The following CSMD1 variants were observed in gnomAD, a reference collection of about 807,000 sequenced individuals.
The protein encoded by CSMD1 is CUB and sushi domain-containing protein 1.
Under a neutral mutation model 417.5 loss-of-function variants are expected in CSMD1, and 213 were observed. That is an observed-to-expected ratio of 0.51 (90% CI 0.46 to 0.57). CSMD1 has a LOEUF of 0.57. Among genes scored for constraint, CSMD1 ranks in the 20% least tolerant of loss-of-function variants. CSMD1 has a pLI of 0.00. For synonymous variants in CSMD1, 2,862 were observed against 1,736.8 expected (o/e 1.65, Z -16.11); for missense variants, 6,923 against 4,529.7 (o/e 1.53, Z -15.17).
intron 1 of CSMD1, among the ~76,000 whole-genome samples, chr8:4,886,926 C>A (rs1318427330): frequency 1.3e-5 from 2 of 151,950 alleles, no homozygotes; most frequent in Non-Finnish European, 2.9e-5. Context: ...TGTTACATAA[C>A]CAACTTTTGA....
chr8:3,996,444 ATTT>A lies in CSMD1; in HGVS notation c.818+1456_818+1458del, dbSNP rs34769872. On this transcript the variant is annotated intron_variant, in intron 5 of 69. Coordinates refer to ENST00000635120, the MANE Select transcript of CSMD1 (RefSeq NM_033225.6). ...GATGCTTAATAAATTCATTTTTAAG[ATTT>A]TTTTTTTAGCACAGCCTCTCTTTTT... 4.5e-3 allele frequency among the ~76,000 whole-genome samples: 683 copies of A among 150,772 alleles called. 6 individuals carry two copies. Among genetic ancestry groups the A allele is most frequent in the African/African-American group, 0.016 (647 of 41,208 alleles).
At chr8:3,282,355 G>A (rs980207963) in intron 26 of CSMD1, among the ~76,000 whole-genome samples, 6 of 151,862 alleles carry the variant, frequency 4.0e-5, no homozygotes, top group African/African-American at 4.8e-5. Flanking sequence ...TACTGCCAGT[G>A]CAAAACTACT....
chr8:4,472,631 A>G lies in CSMD1; in HGVS notation c.303-52566T>C, dbSNP rs957330412. Among the ~76,000 whole-genome samples the G allele has an allele frequency of 5.9e-5, 9 of 152,234 alleles. No individual in the cohort carries two copies. In the East Asian group the frequency reaches 1.7e-3, roughly 29 times the overall value. ...AACAAGATATTCTGCAAACAATAAG[A>G]AAAATAATTTTAAACAAATAATTTA... On this transcript the variant is annotated intron_variant, in intron 2 of 69. Transcript: ENST00000635120.
chr8:4,413,991 G>A (rs1286333425), intron 3 of CSMD1, among the ~76,000 whole-genome samples: 1 of 152,096 alleles, frequency 6.6e-6, no homozygotes, highest in Non-Finnish European at 1.5e-5. Context: ...TTACACTATG[G>A]GCTAATGGAG....
chr8:4,582,773 T>C (rs951287350), intron 2 of CSMD1, among the ~76,000 whole-genome samples: 2 of 152,194 alleles, frequency 1.3e-5, no homozygotes, highest in Non-Finnish European at 2.9e-5. Flanking sequence ...GGGAGCCCTT[T>C]TCTGAGTTGG....
At chr8:4,250,229 C>T (rs571476863) in intron 3 of CSMD1, among the ~76,000 whole-genome samples, 16 of 152,274 alleles carry the variant, frequency 1.1e-4, no homozygotes, top group Admixed American at 3.3e-4. Context: ...TACAACAACA[C>T]AAATGTACTA....
intron 8 of CSMD1, among the ~76,000 whole-genome samples, chr8:3,594,053 G>T (rs1186524850): frequency 6.6e-6 from 1 of 152,198 alleles, no homozygotes; most frequent in African/African-American, 2.4e-5. Flanking sequence ...AGGAATGAGA[G>T]AGGAAAAACC....
intron 49 of CSMD1, among the ~76,000 whole-genome samples, chr8:3,069,158 G>A (rs137910920): frequency 1.0e-3 from 157 of 152,180 alleles, no homozygotes; most frequent in Non-Finnish European, 1.6e-3. Flanking sequence ...GGGCTGGGCC[G>A]GGCGCAGTGA....
intron 7 of CSMD1, among the ~76,000 whole-genome samples, chr8:3,649,455 G>C (rs762451663): frequency 6.6e-6 from 1 of 152,128 alleles, no homozygotes; most frequent in South Asian, 2.1e-4. Flanking sequence ...AGGCTGAATT[G>C]ACTCACAGTT....
intron 1 of CSMD1, among the ~76,000 whole-genome samples, chr8:4,938,375 C>G (rs1429681354): frequency 6.6e-6 from 1 of 152,156 alleles, no homozygotes; most frequent in African/African-American, 2.4e-5. Flanking sequence ...ATACAGCTGT[C>G]CTATAGTTAT....
chr8:4,866,784 C>A (rs577011637), intron 1 of CSMD1, among the ~76,000 whole-genome samples: 2 of 151,840 alleles, frequency 1.3e-5, no homozygotes, highest in African/African-American at 2.4e-5. Context: ...AGGTAATGGA[C>A]GAAAAGCAAA....
chr8:4,038,897 G>A (rs1448778088), intron 3 of CSMD1, among the ~76,000 whole-genome samples: 2 of 152,116 alleles, frequency 1.3e-5, no homozygotes, highest in African/African-American at 4.8e-5. Flanking sequence ...ATATGCACAC[G>A]AAAATTCCCT....
chr8:4,047,955 T>C (rs1423735735), intron 3 of CSMD1, among the ~76,000 whole-genome samples: 1 of 152,216 alleles, frequency 6.6e-6, no homozygotes, highest in African/African-American at 2.4e-5. Context: ...TAATGTCATG[T>C]TGAGTCCTTA....
At chr8:3,238,097 G>A (rs999278809) in intron 26 of CSMD1, among the ~76,000 whole-genome samples, 12 of 151,960 alleles carry the variant, frequency 7.9e-5, no homozygotes, top group Non-Finnish European at 8.8e-5. Flanking sequence ...GAGAGTCACC[G>A]AAGGGAGATA....
chr8:4,392,475 A>C (rs943397143), intron 3 of CSMD1, among the ~76,000 whole-genome samples: 1 of 152,134 alleles, frequency 6.6e-6, no homozygotes, highest in African/African-American at 2.4e-5. Context: ...ATTGGCATCA[A>C]ACACTCCTGA....
At chr8:4,175,366 T>C (rs971514447) in intron 3 of CSMD1, among the ~76,000 whole-genome samples, 1 of 152,182 alleles carries the variant, frequency 6.6e-6, no homozygotes, top group African/African-American at 2.4e-5. Context: ...TTTAACAGTG[T>C]TGGGCTCTAG....
chr8:3,989,289 C>T (rs938059382), intron 5 of CSMD1, among the ~76,000 whole-genome samples: 1 of 152,154 alleles, frequency 6.6e-6, no homozygotes, highest in African/African-American at 2.4e-5. Context: ...GTCATAAAAC[C>T]AAGACTACAG....
At chr8:3,511,819 T>TAACATAACAA (rs1330164115) in intron 10 of CSMD1, among the ~76,000 whole-genome samples, 2 of 142,424 alleles carry the variant, frequency 1.4e-5, no homozygotes, top group Non-Finnish European at 3.1e-5. Flanking sequence ...TAACATAACA[T>TAACATAACAA]AACAATAAAT....
At chr8:4,471,392 G>C (rs1022958620) in intron 2 of CSMD1, among the ~76,000 whole-genome samples, 2 of 152,048 alleles carry the variant, frequency 1.3e-5, no homozygotes, top group Non-Finnish European at 2.9e-5. Context: ...TTACTATTTT[G>C]ACAAGGTTCC....
Sources: gnomAD v4.1 joint callset for allele counts (sites outside exome capture counted in the v4.1 genomes callset) on GRCh38, gnomAD v4.1.1 for gene constraint, MANE v1.5 for transcripts, NCBI Gene and HGNC (gene_info 2026-07-23, HGNC 2026-07-21) for gene names.